The following SRR variants were observed in gnomAD, a reference collection of about 807,000 sequenced individuals.
The protein encoded by SRR is serine racemase.
In SRR, 19 loss-of-function variants were observed where a neutral mutation model predicts 32.7. The observed-to-expected ratio is 0.58, with a 90% CI of 0.40 to 0.85. The LOEUF is 0.85. SRR is among the 40% of genes least tolerant of loss of function. SRR has a pLI of 0.00. For synonymous variants in SRR, 142 were observed against 140.9 expected (o/e 1.01, Z -0.06); for missense variants, 373 against 404.7 (o/e 0.92, Z 0.67).
intron 7 of SRR, 83 bp from the exon 8 acceptor site, chr17:2,323,572 G>C (rs932254216): frequency 1.4e-5 from 20 of 1,412,588 alleles, no homozygotes; most frequent in Non-Finnish European, 1.8e-5. Context: ...AATTCAAACT[G>C]GACACGTATT....
intron 1 of SRR, among the ~76,000 whole-genome samples, chr17:2,304,719 C>T (rs1270028828): frequency 3.3e-5 from 5 of 151,298 alleles, no homozygotes; most frequent in African/African-American, 1.2e-4. Flanking sequence ...CGCGCCACTG[C>T]ACTCCAGCCC....
At position 2,306,924 on chromosome 17, in the gene SRR, G is replaced by A. The variant is rs150066364; in HGVS notation, c.-5+2907G>A. On this transcript the variant is annotated intron_variant, in intron 1 of 7. Coordinates refer to ENST00000344595, the MANE Select transcript of SRR (RefSeq NM_021947.3). The stretch of plus-strand genomic sequence containing the variant: ...GAGATCCAAACACCAAGCACTCCAG[G>A]GGCTTTGGATTTGCCACATATGCCA... 7 of 1,048,424 alleles carry A rather than the reference G, an allele frequency of 6.7e-6. No homozygotes were observed. The East Asian group carries it at 1.7e-4, about 25-fold the overall frequency. The allele number at this position is 1,048,424 out of a possible 1,614,324, so 64.9% of individuals were successfully genotyped here. A position where few individuals can be genotyped will look rare whatever the true frequency, so the allele number is the denominator to read the frequency against.
rs1403665452 is a variant in SRR at position 2,324,775 on chromosome 17, A to G, written c.*902A>G. 1.7e-5 allele frequency: 28 copies of G among 1,614,214 alleles called. No individual in the cohort carries two copies. The highest frequency in any genetic ancestry group is 2.4e-5 in the Non-Finnish European group (28 of 1,180,034). On this transcript the variant is annotated 3_prime_UTR_variant, in exon 8 of 8. Transcript: ENST00000344595. ...ACTCAGAACAACTCTCTTGATGACC[A>G]TTCTGTCTGGATCTACTGACATAAG...
intron 1 of SRR, chr17:2,307,288 A>C: frequency 8.9e-7 from 1 of 1,126,714 alleles, no homozygotes; most frequent in Non-Finnish European, 1.3e-6. Flanking sequence ...CAACTGTGAA[A>C]TTAGGAAAGG....
At chr17:2,318,026 T>A (rs1249679270) in intron 3 of SRR, 30 bp downstream of exon 3, 6 of 1,569,844 alleles carry the variant, frequency 3.8e-6, no homozygotes, top group Non-Finnish European at 5.2e-6. Flanking sequence ...ACTGGGTAGA[T>A]CTTCAGAAAG....
Position 2,324,086 on chromosome 17 carries a change from C to T in SRR, c.*213C>T, listed in dbSNP as rs1195042097. The T allele has an allele frequency of 2.1e-6, 3 of 1,404,460 alleles. No individual in the cohort carries two copies. In the African/African-American group the frequency reaches 4.3e-5, roughly 20 times the overall value. 87.0% of individuals were successfully genotyped at this position (1,404,460 alleles called of 1,614,324 possible). A position where few individuals can be genotyped will look rare whatever the true frequency, so the allele number is the denominator to read the frequency against. On this transcript the variant is annotated 3_prime_UTR_variant, in exon 8 of 8. Coordinates refer to ENST00000344595, the MANE Select transcript of SRR (RefSeq NM_021947.3). ...TAAAAAAAAGTCTTGCAAAATGGGG[C>T]AGTGGACTGACAGGCTGACATAGAA... is the stretch of plus-strand genomic sequence containing the variant.
chr17:2,321,238 G>T, intron 4 of SRR, 68 bp from the exon 5 acceptor site: 2 of 1,580,714 alleles, frequency 1.3e-6, no homozygotes, highest in Non-Finnish European at 1.7e-6. Context: ...AATGCTGAAT[G>T]ACCAAATGGA....
In SRR at chr17:2,313,115, A is replaced by T. The variant is rs146579779; in HGVS notation, c.-4-2442A>T. ...CTAAATTATTGTATTTTTGTAAAAG[A>T]AGTACTATTAAGTCATTTTAAAAGT... On this transcript the variant is annotated intron_variant, in intron 1 of 7. Transcript: ENST00000344595. 9.2e-5 allele frequency among the ~76,000 whole-genome samples: 14 copies of T among 152,268 alleles called. No individual in the cohort carries two copies. In the East Asian group the frequency reaches 2.5e-3, roughly 27 times the overall value.
chr17:2,307,353 T>C, intron 1 of SRR: 1 of 1,061,534 alleles, frequency 9.4e-7, no homozygotes, highest in Non-Finnish European at 1.4e-6. Flanking sequence ...GTCAAAGTAC[T>C]TCTGGAAACT....
rs2075568092 is a variant in SRR, at chr17:2,325,119, T to C, written c.*1246T>C. The C allele has an allele frequency of 3.3e-6, 2 of 602,366 alleles. No homozygotes were observed. The highest frequency in any genetic ancestry group is 4.6e-5 in the South Asian group (2 of 43,390). The allele number at this position is 602,366 out of a possible 1,614,324, so 37.3% of individuals were successfully genotyped here. A position where few individuals can be genotyped will look rare whatever the true frequency, so the allele number is the denominator to read the frequency against. ...AGTTATTTGAGGACTGGCTATACAC[T>C]GTTTCACGTAAAAGTTGGAGTTTTC... On this transcript the variant is annotated 3_prime_UTR_variant, in exon 8 of 8. Transcript: ENST00000344595.
chr17:2,306,548 C>T (rs2075391783), intron 1 of SRR, among the ~76,000 whole-genome samples: 1 of 151,926 alleles, frequency 6.6e-6, no homozygotes, highest in Non-Finnish European at 1.5e-5. Flanking sequence ...GAAACCCCGT[C>T]TCTACTAAAA....
chr17:2,312,049 A>C (rs1328434488), intron 1 of SRR, among the ~76,000 whole-genome samples: 1 of 151,894 alleles, frequency 6.6e-6, no homozygotes, highest in African/African-American at 2.4e-5. Context: ...CTCTCTACTA[A>C]AATAAAAATT....
At chr17:2,320,630 C>T (rs2075520082) in intron 4 of SRR, among the ~76,000 whole-genome samples, 1 of 151,930 alleles carries the variant, frequency 6.6e-6, no homozygotes, top group South Asian at 2.1e-4. Context: ...AGTTTCTTCT[C>T]AGCTCCCTGC....
At position 2,317,935 on chromosome 17, in the gene SRR, T is replaced by C; in HGVS notation, c.234T>C (p.Ala78=). Residue 78 remains alanine, a synonymous_variant, in exon 3 of 8, where the codon GCT becomes GCC. Transcript: ENST00000344595. ...VPDALERKPK[A]VVTHSSGNHG... ...ATGCTTTAGAAAGGAAGCCGAAAGC[T>C]GTTGTTACTCACAGCAGTGGAAACC... The C allele has an allele frequency of 1.2e-6, 2 of 1,614,072 alleles. No individual in the cohort carries two copies. Among genetic ancestry groups the C allele is most frequent in the Non-Finnish European group, 1.7e-6 (2 of 1,180,002 alleles).
chr17:2,320,489 C>T (rs894671866), intron 4 of SRR, among the ~76,000 whole-genome samples: 9 of 150,852 alleles, frequency 6.0e-5, no homozygotes, highest in African/African-American at 1.2e-4. Flanking sequence ...CTCCTGACCT[C>T]GTGATCTGCC....
chr17:2,312,430 C>T (rs975284799), intron 1 of SRR, among the ~76,000 whole-genome samples: 1 of 151,694 alleles, frequency 6.6e-6, no homozygotes, highest in African/African-American at 2.4e-5. Context: ...CCTGTCTCTA[C>T]TAAAAATACA....
intron 1 of SRR, among the ~76,000 whole-genome samples, chr17:2,311,827 G>A (rs2075435769): frequency 6.6e-6 from 1 of 152,122 alleles, no homozygotes; most frequent in Non-Finnish European, 1.5e-5. Context: ...CTGGCCAATG[G>A]AACAAAATAC....
chr17:2,316,346 C>T (rs985617882), intron 2 of SRR, among the ~76,000 whole-genome samples: 2 of 152,178 alleles, frequency 1.3e-5, no homozygotes, highest in Non-Finnish European at 2.9e-5. Context: ...TATACCATCA[C>T]TTACTGTCCA....
At position 2,323,752 on chromosome 17, in the gene SRR, T is replaced by G; in HGVS notation, c.902T>G (p.Val301Gly). Residue 301 changes from valine (V) to glycine (G), a missense_variant, in exon 8 of 8, where the codon GTT becomes GGT. Val to Gly is a moderately radical substitution (Grantham distance 109). Transcript: ENST00000344595. The stretch of plus-strand genomic sequence containing the variant: ...GTGCTGTCTCAACATTTTCAAACTG[T>G]TTCCCCAGAAGTAAAGAACATTTGT... Reference protein sequence around the residue: ...AAVLSQHFQTVSPEVKNICIV... With the variant: ...AAVLSQHFQTGSPEVKNICIV... 1 of 1,614,162 alleles carries G rather than the reference T, an allele frequency of 6.2e-7. No homozygotes were observed. The highest frequency in any genetic ancestry group is 2.2e-5 in the East Asian group (1 of 44,888).
Sources: gnomAD v4.1 joint callset for allele counts (sites outside exome capture counted in the v4.1 genomes callset) on GRCh38, gnomAD v4.1.1 for gene constraint, MANE v1.5 for transcripts, NCBI Gene and HGNC (gene_info 2026-07-23, HGNC 2026-07-21) for gene names.